The following UNK variants were observed in gnomAD, a reference collection of about 807,000 sequenced individuals.
UNK encodes the protein RING finger protein unkempt homolog.
Under a neutral mutation model 97.6 loss-of-function variants are expected in UNK, and 32 were observed. The ratio of observed to expected loss-of-function variants is 0.33; its 90% CI spans 0.25 to 0.44. UNK has a LOEUF of 0.44. Among genes scored for constraint, UNK ranks in the 20% least tolerant of loss-of-function variants. The pLI is 1.00. For synonymous variants in UNK, 441 were observed against 461.2 expected (o/e 0.96, Z 0.56); for missense variants, 771 against 1,098.4 (o/e 0.70, Z 4.21).
chr17:75,793,707 A>C (rs1001509735), intron 1 of UNK: 1 of 985,230 alleles, frequency 1.0e-6, no homozygotes, highest in Admixed American at 6.2e-5. Flanking sequence ...AAGTTGACTC[A>C]TTTGTTTCCT....
Position 75,819,706 on chromosome 17 carries a change from C to A in UNK, c.1569C>A (p.Asp523Glu), listed in dbSNP as rs770507645. ...SVIESALDDL[D>E]LNEFGVAALE... ...TAGAGTCTGCTTTGGATGACCTGGACCTGAATGAGTTTGGCGTGGCCGCCC... is the reference window on the plus strand; with the variant it reads ...TAGAGTCTGCTTTGGATGACCTGGAACTGAATGAGTTTGGCGTGGCCGCCC... Residue 523 changes from aspartate (D) to glutamate (E), a missense_variant, in exon 12 of 16, where the codon GAC becomes GAA. Coordinates refer to ENST00000589666, the MANE Select transcript of UNK (RefSeq NM_001080419.3). This position sits in a 1 kb window ranked among gnomAD's most constrained non-coding sequence, Gnocchi z 5.4. 2 of 1,613,856 alleles carry A rather than the reference C, an allele frequency of 1.2e-6. No homozygotes were observed. Among genetic ancestry groups the A allele is most frequent in the East Asian group, 4.5e-5 (2 of 44,894 alleles).
In UNK at chr17:75,825,595, G is replaced by A. The variant is rs1018300725; in HGVS notation, c.*1178G>A. 6 of 152,540 alleles carry A rather than the reference G, an allele frequency of 3.9e-5. No homozygotes were observed. Among genetic ancestry groups the A allele is most frequent in the African/African-American group, 1.4e-4 (6 of 41,448 alleles). 9.4% of individuals were successfully genotyped at this position (152,540 alleles called of 1,614,324 possible). A position where few individuals can be genotyped will look rare whatever the true frequency, so the allele number is the denominator to read the frequency against. On this transcript the variant is annotated 3_prime_UTR_variant, in exon 16 of 16. Coordinates refer to ENST00000589666, the MANE Select transcript of UNK (RefSeq NM_001080419.3). The surrounding 1 kb of genome is among the most constrained non-coding windows in gnomAD (Gnocchi z 4.4). ...GCAGCAGGGGCGGGAGGGCAGAGTG[G>A]GCGGAGGGGAGCAGCCGCACCCCCA...
rs1259517587 is a variant in UNK at position 75,816,016 on chromosome 17, C to G, written c.962-754C>G. On this transcript the variant is annotated intron_variant, in intron 7 of 15. Transcript: ENST00000589666. This position sits in a 1 kb window ranked among gnomAD's most constrained non-coding sequence, Gnocchi z 4.0. ...TTCAATAATCAATATACAAAAATAT[C>G]AAGACATTTCACCTTTTTTTGTACT... is the stretch of plus-strand genomic sequence containing the variant. Among the ~76,000 whole-genome samples, 1 of 151,932 alleles carries G rather than the reference C, an allele frequency of 6.6e-6. No individual in the cohort carries two copies. Among genetic ancestry groups the G allele is most frequent in the African/African-American group, 2.4e-5 (1 of 41,336 alleles).
At chr17:75,794,965 A>C (rs1377497289) in intron 1 of UNK, among the ~76,000 whole-genome samples, 1 of 152,194 alleles carries the variant, frequency 6.6e-6, no homozygotes. Context: ...TCCTTGCTTC[A>C]ACAGCCCTGA....
intron 1 of UNK, among the ~76,000 whole-genome samples, chr17:75,787,389 A>G (rs1392668929): frequency 1.3e-5 from 2 of 151,670 alleles, no homozygotes; most frequent in Non-Finnish European, 2.9e-5. Context: ...TATTTTTTGT[A>G]GAGACGTGAT....
rs768589817 is a variant in UNK at position 75,817,404 on chromosome 17, A to C, written c.1183A>C (p.Asn395His). The change falls in exon 9 of 16, where the codon AAC becomes CAC. Residue 395 changes from asparagine (N) to histidine (H), a missense_variant. Transcript: ENST00000589666. This position sits in a 1 kb window ranked among gnomAD's most constrained non-coding sequence, Gnocchi z 5.8. ...SPPGSIRKPP[N>H]LEGIVFPGES... The stretch of plus-strand genomic sequence containing the variant: ...ACCGGGCTCCATCAGGAAGCCCCCA[A>C]ACCTGGAGGGCATCGTCTTCCCTGG... 2.5e-6 allele frequency: 4 copies of C among 1,612,596 alleles called. No homozygotes were observed. The highest frequency in any genetic ancestry group is 1.7e-5 in the Admixed American group (1 of 59,968).
intron 1 of UNK, chr17:75,794,050 G>C: frequency 9.1e-6 from 9 of 985,254 alleles, no homozygotes; most frequent in Non-Finnish European, 1.1e-5. Context: ...GTGTGAATCA[G>C]ACCATCTAAA....
intron 13 of UNK, chr17:75,821,685 C>G (rs1208297932): frequency 4.4e-6 from 2 of 456,552 alleles, no homozygotes; most frequent in Non-Finnish European, 8.8e-6. Context: ...AAGAAGTCAC[C>G]AGAAAGTACA....
At chr17:75,815,306 C>T in intron 7 of UNK, 53 bp downstream of exon 7, 1 of 1,549,986 alleles carries the variant, frequency 6.5e-7, no homozygotes, top group Non-Finnish European at 8.8e-7. Flanking sequence ...CCTCCCTCGC[C>T]TGGCTAGCTC....
At chr17:75,804,612 C>A (rs1460482501) in intron 1 of UNK, among the ~76,000 whole-genome samples, 1 of 147,540 alleles carries the variant, frequency 6.8e-6, no homozygotes, top group Non-Finnish European at 1.5e-5. Context: ...TTGAGGCGGG[C>A]GGATCACCTG....
At chr17:75,813,473 A>G (rs2061988882) in intron 5 of UNK, among the ~76,000 whole-genome samples, 1 of 152,220 alleles carries the variant, frequency 6.6e-6, no homozygotes, top group Non-Finnish European at 1.5e-5. Context: ...AATGTGTTGA[A>G]TGAGGACCAG....
chr17:75,785,075 C>T (rs2061694701), intron 1 of UNK, 91 bp downstream of exon 1: 5 of 865,776 alleles, frequency 5.8e-6, no homozygotes, highest in African/African-American at 1.8e-5. Context: ...GCGAGGCGGC[C>T]TCTTCCTCCC....
chr17:75,791,684 T>C, intron 1 of UNK: 1 of 955,336 alleles, frequency 1.0e-6, no homozygotes, highest in Non-Finnish European at 1.2e-6. Context: ...ACTTAACACC[T>C]AGTTGATATT....
chr17:75,815,340 T>C, intron 7 of UNK, 87 bp downstream of exon 7: 1 of 1,281,702 alleles, frequency 7.8e-7, no homozygotes, highest in Non-Finnish European at 1.1e-6. Context: ...GGATGGCCCC[T>C]GGCAGTATGC....
chr17:75,797,197 T>G (rs1340941867), intron 1 of UNK, among the ~76,000 whole-genome samples: 2 of 152,234 alleles, frequency 1.3e-5, no homozygotes, highest in Admixed American at 6.5e-5. Flanking sequence ...TTTAAAAAGA[T>G]CCTATATTCA....
intron 1 of UNK, chr17:75,792,291 GTT>G: frequency 1.0e-6 from 1 of 977,168 alleles, no homozygotes; most frequent in Non-Finnish European, 1.2e-6. Flanking sequence ...TTTTGTTTTT[GTT>G]TTTGTTTTTT....
chr17:75,796,006 G>C (rs1189933612), intron 1 of UNK, among the ~76,000 whole-genome samples: 4 of 152,224 alleles, frequency 2.6e-5, no homozygotes, highest in African/African-American at 9.6e-5. Flanking sequence ...TGAACTGTGG[G>C]TTGCTGTGTG....
At chr17:75,822,792 C>A in intron 14 of UNK, 134 bp downstream of exon 14, 1 of 1,145,778 alleles carries the variant, frequency 8.7e-7, no homozygotes, top group Non-Finnish European at 1.2e-6. Flanking sequence ...GTTTTGTTCG[C>A]TCGCTCTCCC....
chr17:75,795,433 G>A (rs1188765950), intron 1 of UNK, among the ~76,000 whole-genome samples: 7 of 151,922 alleles, frequency 4.6e-5, no homozygotes, highest in East Asian at 3.9e-4. Context: ...TCCGCCTCCC[G>A]GGTTCAAGTG....
Sources: gnomAD v4.1 joint callset for allele counts (sites outside exome capture counted in the v4.1 genomes callset) on GRCh38, gnomAD v4.1.1 for gene constraint, Gnocchi (gnomAD v3.1) non-coding constraint, MANE v1.5 for transcripts, NCBI Gene and HGNC (gene_info 2026-07-23, HGNC 2026-07-21) for gene names.